The following NRG1 variants were observed in gnomAD, a reference collection of about 807,000 sequenced individuals.
NRG1 encodes pro-neuregulin-1, membrane-bound isoform.
Under a neutral mutation model 63.8 loss-of-function variants are expected in NRG1, and 18 were observed. The ratio of observed to expected loss-of-function variants is 0.28; its 90% CI spans 0.19 to 0.42. The LOEUF (loss-of-function observed/expected upper bound fraction) is 0.42, where lower values mean the gene tolerates loss of function less well. Among genes scored for constraint, NRG1 ranks in the 10% least tolerant of loss-of-function variants. NRG1 has a pLI of 1.00. For synonymous variants in NRG1, 302 were observed against 301.3 expected (o/e 1.00, Z -0.02); for missense variants, 762 against 814.7 (o/e 0.94, Z 0.79).
At chr8:31,899,763 CACAT>C (rs1408021682) in intron 1 of NRG1, among the ~76,000 whole-genome samples, 1 of 152,038 alleles carries the variant, frequency 6.6e-6, no homozygotes, top group Non-Finnish European at 1.5e-5. Flanking sequence ...ATTATAAAAA[CACAT>C]ACACACACTC....
intron 1 of NRG1, among the ~76,000 whole-genome samples, chr8:32,008,623 G>T (rs372380361): frequency 5.3e-5 from 8 of 151,864 alleles, no homozygotes; most frequent in African/African-American, 1.9e-4. Context: ...AAAAGTTTTC[G>T]GTGACTCGTA....
chr8:32,245,939 G>A (rs928034307), intron 1 of NRG1, among the ~76,000 whole-genome samples: 2 of 152,104 alleles, frequency 1.3e-5, no homozygotes, highest in Non-Finnish European at 2.9e-5. Context: ...TTCTGAGCCT[G>A]CGAGGAAGTA....
chr8:32,711,645 T>G (rs1564004512), intron 5 of NRG1, among the ~76,000 whole-genome samples: 3 of 152,198 alleles, frequency 2.0e-5, no homozygotes, highest in Admixed American at 6.5e-5. Context: ...GAACAAAACA[T>G]GCTATCCAGA....
rs1816094282 is a variant in NRG1 at position 32,019,432 on chromosome 8, C to T, written c.37+380001C>T. 3.9e-5 allele frequency among the ~76,000 whole-genome samples: 6 copies of T among 152,300 alleles called. No individual in the cohort carries two copies. The South Asian group carries it at 1.2e-3, about 32-fold the overall frequency. ...TCTTTTTATATTCTGCTTACAGGTA[C>T]TTTGTAATGTATGTGTACAGGTACT... On this transcript the variant is annotated intron_variant, in intron 1 of 10. Coordinates refer to the NRG1 transcript ENST00000519301.
chr8:31,906,366 T>G (rs1454348179), intron 1 of NRG1, among the ~76,000 whole-genome samples: 1 of 152,154 alleles, frequency 6.6e-6, no homozygotes. Flanking sequence ...TCAGTTTTAT[T>G]GTATCAACAC....
chr8:32,361,253 A>T (rs945450055), intron 1 of NRG1, among the ~76,000 whole-genome samples: 1 of 152,152 alleles, frequency 6.6e-6, no homozygotes, highest in African/African-American at 2.4e-5. Flanking sequence ...ATGGCGCCAC[A>T]TCAGAGTATT....
chr8:31,832,293 C>G (rs1008684558), intron 1 of NRG1, among the ~76,000 whole-genome samples: 3 of 143,900 alleles, frequency 2.1e-5, no homozygotes, highest in African/African-American at 7.6e-5. Flanking sequence ...CAGTCTCACT[C>G]TGTTGCCCAG....
At chr8:32,082,324 AC>A (rs1827584511) in intron 1 of NRG1, among the ~76,000 whole-genome samples, 1 of 151,850 alleles carries the variant, frequency 6.6e-6, no homozygotes, top group African/African-American at 2.4e-5. Flanking sequence ...TAAGCCTGTT[AC>A]CCAATAGGTA....
chr8:32,478,412 G>T (rs1702608447), intron 1 of NRG1, among the ~76,000 whole-genome samples: 1 of 152,174 alleles, frequency 6.6e-6, no homozygotes, highest in Non-Finnish European at 1.5e-5. Flanking sequence ...GGACACCAAT[G>T]TAATACCATA....
chr8:32,321,520 T>TTC (rs1563312680), intron 1 of NRG1, among the ~76,000 whole-genome samples: 3,173 of 146,954 alleles, frequency 0.022, 107 homozygotes, highest in African/African-American at 0.075. Flanking sequence ...GTTTTTTTTT[T>TTC]TTCTTCTTCT....
chr8:31,757,110 T>C (rs1412858443), intron 1 of NRG1, among the ~76,000 whole-genome samples: 2 of 152,188 alleles, frequency 1.3e-5, no homozygotes, highest in Non-Finnish European at 2.9e-5. Flanking sequence ...CTCTGGGATA[T>C]GCTTTGAGAT....
At chr8:32,339,733 G>A (rs998431537) in intron 1 of NRG1, among the ~76,000 whole-genome samples, 3 of 152,140 alleles carry the variant, frequency 2.0e-5, no homozygotes, top group African/African-American at 7.2e-5. Context: ...TGTAGTCACC[G>A]CCAATAAGTA....
At chr8:32,392,256 G>T (rs901440380) in intron 1 of NRG1, among the ~76,000 whole-genome samples, 1 of 152,180 alleles carries the variant, frequency 6.6e-6, no homozygotes, top group South Asian at 2.1e-4. Flanking sequence ...AGCAGCTTGA[G>T]ACAGGAATTG....
At chr8:31,951,716 G>A (rs1448786016) in intron 1 of NRG1, among the ~76,000 whole-genome samples, 1 of 152,118 alleles carries the variant, frequency 6.6e-6, no homozygotes, top group African/African-American at 2.4e-5. Flanking sequence ...CACTTCCCCT[G>A]GGATGGTGAG....
chr8:32,078,138 T>C (rs1826889860), intron 1 of NRG1, among the ~76,000 whole-genome samples: 1 of 152,238 alleles, frequency 6.6e-6, no homozygotes, highest in African/African-American at 2.4e-5. Flanking sequence ...AATCTCATGT[T>C]GAAATGCGAC....
chr8:31,745,415 A>G lies in NRG1; in HGVS notation c.37+105984A>G, dbSNP rs1815749928. 4.6e-5 allele frequency among the ~76,000 whole-genome samples: 7 copies of G among 152,086 alleles called. No individual in the cohort carries two copies. The South Asian group carries it at 1.5e-3, about 32-fold the overall frequency. On this transcript the variant is annotated intron_variant, in intron 1 of 10. Coordinates refer to the NRG1 transcript ENST00000519301. ...CGGTGGTTCAGATGTGGGTGACATG[A>G]TTTGCAAATATAATTACAAAGTGAT...
chr8:32,598,141 C>A (rs1843684565), intron 2 of NRG1, among the ~76,000 whole-genome samples: 1 of 152,016 alleles, frequency 6.6e-6, no homozygotes, highest in Non-Finnish European at 1.5e-5. Context: ...AATCTCTGTG[C>A]CCAGGGGCGG....
chr8:32,414,589 C>G (rs1004177743), intron 1 of NRG1, among the ~76,000 whole-genome samples: 1 of 152,110 alleles, frequency 6.6e-6, no homozygotes, highest in African/African-American at 2.4e-5. Flanking sequence ...CAGAGACTAT[C>G]CTGGTGGGAG....
chr8:32,546,869 C>T (rs1022342178), upstream of NRG1, among the ~76,000 whole-genome samples: 5 of 152,184 alleles, frequency 3.3e-5, no homozygotes, highest in African/African-American at 9.7e-5. Context: ...TCCCTCCCTT[C>T]CCATCTACAT....
Sources: allele counts gnomAD v4.1 joint callset (sites outside exome capture counted in the v4.1 genomes callset), GRCh38; gene constraint gnomAD v4.1.1; transcripts MANE v1.5; gene names NCBI Gene and HGNC (gene_info 2026-07-23, HGNC 2026-07-21).